Variants in GLRA2 observed in about 807,000 individuals in gnomAD.
GLRA2 encodes glycine receptor subunit alpha-2.
In GLRA2, 11 loss-of-function variants were observed where a neutral mutation model predicts 31.6. The observed-to-expected ratio is 0.35, with a 90% CI of 0.22 to 0.58. GLRA2 has a LOEUF of 0.58. GLRA2 is among the 20% of genes least tolerant of loss of function. The pLI is 0.84. For synonymous variants in GLRA2, 132 were observed against 134.0 expected (o/e 0.99, Z 0.10); for missense variants, 212 against 351.8 (o/e 0.60, Z 3.18).
chrX:14,627,517 G>A (rs981275903), intron 7 of GLRA2, among the ~76,000 whole-genome samples: 2 of 111,524 alleles, frequency 1.8e-5, no homozygotes, highest in African/African-American at 6.5e-5. Context: ...CAGCTTGTAC[G>A]CTTAAGGGTT....
the GLRA2 span, among the ~76,000 whole-genome samples, chrX:14,457,077 C>T: frequency 1.8e-5 from 2 of 111,944 alleles, no homozygotes; most frequent in Admixed American, 9.5e-5. Context: ...TGATACTTCA[C>T]AGTAGTTTTG....
intron 2 of GLRA2, among the ~76,000 whole-genome samples, chrX:14,544,437 CA>C (rs371002227): frequency 0.2 from 22,113 of 110,701 alleles, 2,206 homozygotes; most frequent in Non-Finnish European, 0.31. Flanking sequence ...AGGCAGCTTT[CA>C]AAAAATGGGT....
intron 7 of GLRA2, among the ~76,000 whole-genome samples, chrX:14,637,483 C>G (rs1031744590): frequency 4.5e-5 from 5 of 112,067 alleles, no homozygotes; most frequent in African/African-American, 1.3e-4. Context: ...ATATTTAGCA[C>G]TTCTGAAAAT....
At chrX:14,621,457 G>A (rs780339326) in intron 7 of GLRA2, among the ~76,000 whole-genome samples, 10 of 110,866 alleles carry the variant, frequency 9.0e-5, no homozygotes, top group Non-Finnish European at 1.7e-4. Flanking sequence ...TTGGTGTGCT[G>A]CACCCATTAA....
intron 2 of GLRA2, among the ~76,000 whole-genome samples, chrX:14,562,398 G>C (rs2089744671): frequency 1.8e-5 from 2 of 112,222 alleles, no homozygotes; most frequent in Admixed American, 1.9e-4. Flanking sequence ...TACACTCCTA[G>C]TATGGGGCCC....
chrX:14,482,142 T>C, the GLRA2 span, among the ~76,000 whole-genome samples: 1 of 111,977 alleles, frequency 8.9e-6, no homozygotes, highest in African/African-American at 3.2e-5. Flanking sequence ...GAAAACTTAC[T>C]TGATATCTCA....
chrX:14,575,868 A>G (rs2147059861), intron 3 of GLRA2, among the ~76,000 whole-genome samples: 1 of 111,452 alleles, frequency 9.0e-6, no homozygotes, highest in Admixed American at 9.6e-5. Context: ...TGGAGGTTGC[A>G]TTTTGGGTGA....
chrX:14,633,079 G>C (rs1399061217), intron 7 of GLRA2, among the ~76,000 whole-genome samples: 1 of 111,899 alleles, frequency 8.9e-6, no homozygotes, highest in Non-Finnish European at 1.9e-5. Context: ...ATAAAACCCT[G>C]ATCCAATGGA....
intron 8 of GLRA2, among the ~76,000 whole-genome samples, chrX:14,714,909 A>G (rs1407176715): frequency 8.9e-6 from 1 of 112,305 alleles, no homozygotes; most frequent in Non-Finnish European, 1.9e-5. Context: ...AATGAATAGA[A>G]TATGAGTTCA....
chrX:14,597,149 T>C (rs576915222), intron 4 of GLRA2, among the ~76,000 whole-genome samples: 2 of 111,845 alleles, frequency 1.8e-5, no homozygotes, highest in Admixed American at 1.9e-4. Context: ...GAATGTCACA[T>C]GGTTCAGAAA....
chrX:14,648,168 T>G (rs980075110), intron 7 of GLRA2, among the ~76,000 whole-genome samples: 1 of 112,408 alleles, frequency 8.9e-6, no homozygotes, highest in Admixed American at 9.4e-5. Flanking sequence ...ATTGAGAGTC[T>G]GTTATTTATT....
At chrX:14,574,560 G>A (rs763693123) in intron 3 of GLRA2, 160 bp downstream of exon 3, 1 of 1,165,431 alleles carries the variant, frequency 8.6e-7, no homozygotes, top group South Asian at 1.8e-5. Flanking sequence ...AACTACAATG[G>A]TGAGTGGGAC....
At chrX:14,650,375 AAAAC>A (rs1208888771) in intron 7 of GLRA2, among the ~76,000 whole-genome samples, 1 of 110,903 alleles carries the variant, frequency 9.0e-6, no homozygotes, top group African/African-American at 3.3e-5. Context: ...CAGAAAAAAA[AAAAC>A]AAAATCCCTG....
rs777676556 is a variant in GLRA2, at chrX:14,611,711, C to G, written c.930+2506C>G. Among the ~76,000 whole-genome samples the G allele has an allele frequency of 1.6e-4, 18 of 111,857 alleles. No homozygotes were observed. In the Admixed American group the frequency reaches 1.7e-3, roughly 11 times the overall value. ...GAAGATATTTGATGGGATATATGTT[C>G]TATGCAGGCAACAACTTTGTCTTGT... On this transcript the variant is annotated intron_variant, in intron 7 of 8. Coordinates refer to ENST00000218075, the MANE Select transcript of GLRA2 (RefSeq NM_002063.4).
At chrX:14,568,324 A>T (rs973586696) in intron 2 of GLRA2, among the ~76,000 whole-genome samples, 2 of 111,943 alleles carry the variant, frequency 1.8e-5, no homozygotes, top group Non-Finnish European at 3.8e-5. Flanking sequence ...ATAAACCCAC[A>T]CACCTATGGC....
chrX:14,549,328 A>G (rs1040927756), intron 2 of GLRA2, among the ~76,000 whole-genome samples: 6 of 111,965 alleles, frequency 5.4e-5, no homozygotes, highest in Non-Finnish European at 1.1e-4. Context: ...CAGAATGTAA[A>G]GAAGATTATT....
At chrX:14,454,621 C>T in the GLRA2 span, among the ~76,000 whole-genome samples, 1 of 108,388 alleles carries the variant, frequency 9.2e-6, no homozygotes, top group African/African-American at 3.4e-5. Flanking sequence ...CCTAATATCA[C>T]TAGTTATAAA....
intron 2 of GLRA2, among the ~76,000 whole-genome samples, chrX:14,560,363 C>T (rs1243915629): frequency 8.9e-6 from 1 of 111,754 alleles, no homozygotes; most frequent in African/African-American, 3.3e-5. Flanking sequence ...AAAGATTTCC[C>T]TCTGTTCTCA....
At chrX:14,659,605 G>GC (rs1298607108) in intron 7 of GLRA2, among the ~76,000 whole-genome samples, 1 of 110,855 alleles carries the variant, frequency 9.0e-6, no homozygotes, top group African/African-American at 3.3e-5. Context: ...TAGAGAAAGG[G>GC]GACCCTGAGT....
Sources: allele counts gnomAD v4.1 joint callset (sites outside exome capture counted in the v4.1 genomes callset), GRCh38; gene constraint gnomAD v4.1.1; transcripts MANE v1.5; gene names NCBI Gene and HGNC (gene_info 2026-07-23, HGNC 2026-07-21).